Variants in MATR3 observed in about 807,000 individuals in gnomAD.
MATR3 encodes the protein matrin 3.
MATR3 carries 4 observed loss-of-function variants against 85.5 expected under a neutral mutation model. The observed-to-expected ratio is 0.05, with a 90% confidence interval of 0.02 to 0.11. MATR3 has a LOEUF of 0.11. Ranked by LOEUF, MATR3 falls within the 10% of genes least tolerant of loss-of-function variation. The probability of loss-of-function intolerance (pLI) is 1.00; values close to 1 mark genes in which losing one functional copy is unlikely to be tolerated. For missense variants in MATR3, 685 were observed against 1,016.1 expected (o/e 0.67, Z 4.43); for synonymous variants, 336 against 343.1 (o/e 0.98, Z 0.23).
chr5:139,315,859 G>T, intron 4 of MATR3, 121 bp downstream of exon 4: 1 of 912,472 alleles, frequency 1.1e-6, no homozygotes, highest in South Asian at 1.5e-5. Flanking sequence ...ATGAGACTTT[G>T]ATAAAATTCA....
intron 3 of MATR3, chr5:139,315,384 T>C: frequency 3.2e-6 from 1 of 312,140 alleles, no homozygotes; most frequent in South Asian, 3.3e-5. Flanking sequence ...CTGTTCTTGT[T>C]TCTATGTAAC....
chr5:139,307,528 T>C lies in MATR3; in HGVS notation c.113T>C (p.Met38Thr), dbSNP rs781744321. The change falls in exon 2 of 15, where the codon ATG becomes ACG. Residue 38 changes from methionine to threonine, a missense_variant. Met to Thr is a moderately conservative substitution (Grantham distance 81). This residue lies in a region of MATR3 where 30 missense variants were observed against 69.5 expected (regional missense o/e 0.43). Coordinates refer to ENST00000394805, the MANE Select transcript of MATR3 (RefSeq NM_018834.6). This position sits in a 1 kb window ranked among gnomAD's most constrained non-coding sequence, Gnocchi z 4.4. ...GCTGCTGCTACCCAGTCTTTAAGTA[T>C]GCCAGCATCTCTTGGAAGGATGAAC... ...LLAAATQSLSMPASLGRMNQG... is the reference protein window; with the variant it reads ...LLAAATQSLSTPASLGRMNQG... The C allele has an allele frequency of 1.1e-5, 17 of 1,614,132 alleles. No homozygotes were observed. Among genetic ancestry groups the C allele is most frequent in the Non-Finnish European group, 1.4e-5 (16 of 1,180,000 alleles).
At chr5:139,328,889 CA>C (rs1187006210) in intron 14 of MATR3, among the ~76,000 whole-genome samples, 1 of 152,062 alleles carries the variant, frequency 6.6e-6, no homozygotes, top group Non-Finnish European at 1.5e-5. Context: ...CCTGTAATCC[CA>C]GCTGCTTGGG....
At chr5:139,291,519 T>C (rs1185514274), upstream of MATR3, among the ~76,000 whole-genome samples, 1 of 152,214 alleles carries the variant, frequency 6.6e-6, no homozygotes, top group Non-Finnish European at 1.5e-5. Flanking sequence ...ATAAAACAAT[T>C]TACCCTGTCT....
intron 7 of MATR3, 50 bp downstream of exon 7, chr5:139,317,771 T>C (rs1481802307): frequency 1.4e-6 from 2 of 1,455,034 alleles, no homozygotes; most frequent in Non-Finnish European, 1.9e-6. Flanking sequence ...CACTAATATA[T>C]GTTCTGCAAG....
chr5:139,280,202 T>G (rs1214902230), intron 3 of MATR3: 1 of 152,248 alleles, frequency 6.6e-6, no homozygotes, highest in Non-Finnish European at 1.5e-5. Context: ...TGAATTAGAA[T>G]TTCATAAAAT....
intron 3 of MATR3, chr5:139,315,432 C>T (rs1257522337): frequency 2.5e-6 from 1 of 393,186 alleles, no homozygotes; most frequent in Non-Finnish European, 4.7e-6. Flanking sequence ...TTCCTCCTTA[C>T]AATTTAACAA....
intron 10 of MATR3, 141 bp from the exon 11 acceptor site, chr5:139,322,322 G>T: frequency 1.2e-6 from 1 of 832,898 alleles, no homozygotes. Context: ...ATGAATGTCT[G>T]TAGGCAGCTT....
chr5:139,279,927 A>G (rs1332578352), intron 3 of MATR3: 3 of 152,226 alleles, frequency 2.0e-5, no homozygotes, highest in Admixed American at 6.5e-5. Context: ...TCAATTTCTT[A>G]ATCTCAGAAT....
At chr5:139,282,574 G>A (rs1753569128) in intron 3 of MATR3, among the ~76,000 whole-genome samples, 1 of 152,122 alleles carries the variant, frequency 6.6e-6, no homozygotes, top group Non-Finnish European at 1.5e-5. Context: ...ATGGTACAAA[G>A]AGTTCCCATA....
chr5:139,321,643 C>T (rs1039825469), intron 9 of MATR3, among the ~76,000 whole-genome samples: 1 of 152,036 alleles, frequency 6.6e-6, no homozygotes, highest in Non-Finnish European at 1.5e-5. Flanking sequence ...ATTAGCCAGG[C>T]ATTGGTGGTG....
chr5:139,298,134 G>T lies in MATR3; in HGVS notation c.-178+4329G>T, dbSNP rs571005647. ...CAGATCTTTTAGGATGATGTGTTTG[G>T]TTTTTTTCCTCCTTTGTGAGGATTA... On this transcript the variant is annotated intron_variant, in intron 1 of 14. Coordinates refer to ENST00000394805, the MANE Select transcript of MATR3 (RefSeq NM_018834.6). Among the ~76,000 whole-genome samples, 5 of 152,222 alleles carry T rather than the reference G, an allele frequency of 3.3e-5. No homozygotes were observed. In the East Asian group the frequency reaches 5.8e-4, roughly 18 times the overall value.
chr5:139,319,901 T>C (rs1755460531), intron 9 of MATR3, among the ~76,000 whole-genome samples: 1 of 138,032 alleles, frequency 7.2e-6, no homozygotes, highest in Non-Finnish European at 1.6e-5. Context: ...AGTATATCCC[T>C]ATTTTTAGTG....
chr5:139,317,331 C>T (rs1034770354), intron 6 of MATR3, among the ~76,000 whole-genome samples: 2 of 152,114 alleles, frequency 1.3e-5, no homozygotes, highest in African/African-American at 4.8e-5. Context: ...GCTTTGCTGT[C>T]CAGTTACGCG....
At chr5:139,317,476 T>C (rs1933560789) in intron 6 of MATR3, 120 bp from the exon 7 acceptor site, 10 of 969,794 alleles carry the variant, frequency 1.0e-5, no homozygotes, top group South Asian at 5.6e-5. Context: ...TAGAATGTTA[T>C]GAGTTGTTTT....
chr5:139,289,304 C>T (rs1208482548), upstream of MATR3, among the ~76,000 whole-genome samples: 1 of 152,146 alleles, frequency 6.6e-6, no homozygotes, highest in South Asian at 2.1e-4. Context: ...CTGTAAGTCC[C>T]AGTACTTGGG....
chr5:139,299,265 A>G (rs1455524237), intron 1 of MATR3, among the ~76,000 whole-genome samples: 16 of 152,252 alleles, frequency 1.1e-4, no homozygotes, highest in Non-Finnish European at 2.9e-5. Context: ...TTACACAAGC[A>G]TTGAGTAGTT....
chr5:139,291,177 TCA>T (rs1753859434), upstream of MATR3, among the ~76,000 whole-genome samples: 1 of 152,218 alleles, frequency 6.6e-6, no homozygotes, highest in South Asian at 2.1e-4. Flanking sequence ...CTCAGAGTTT[TCA>T]CACATTCTGA....
intron 7 of MATR3, 45 bp downstream of exon 7, chr5:139,317,766 A>G (rs765431855): frequency 3.4e-6 from 5 of 1,469,840 alleles, no homozygotes; most frequent in Non-Finnish European, 4.7e-6. Flanking sequence ...CATGCCACTA[A>G]TATATGTTCT....
Sources: gnomAD v4.1 joint callset for allele counts (sites outside exome capture counted in the v4.1 genomes callset) on GRCh38, gnomAD v4.1.1 for gene constraint, gnomAD v4.1.1 regional missense constraint, Gnocchi (gnomAD v3.1) non-coding constraint, MANE v1.5 for transcripts, NCBI Gene and HGNC (gene_info 2026-07-23, HGNC 2026-07-21) for gene names.